The following KCNN1 variants were observed in gnomAD, a reference collection of about 807,000 sequenced individuals.
KCNN1 encodes the protein small conductance calcium-activated potassium channel protein 1.
In KCNN1, 20 loss-of-function variants were observed where a neutral mutation model predicts 44.7. The observed-to-expected ratio is 0.45, with a 90% CI of 0.32 to 0.65. KCNN1 has a LOEUF of 0.65. Among genes scored for constraint, KCNN1 ranks in the 30% least tolerant of loss-of-function variants. The pLI is 0.05. For missense variants in KCNN1, 632 were observed against 785.3 expected, an observed-to-expected ratio of 0.80 and a Z score of 2.33; for synonymous variants, 324 against 341.7, an observed-to-expected ratio of 0.95 and a Z score of 0.57.
chr19:17,989,607 G>C, intron 6 of KCNN1, 109 bp from the exon 7 acceptor site: 1 of 1,519,892 alleles, frequency 6.6e-7, no homozygotes, highest in Non-Finnish European at 9.1e-7. Context: ...CAGGGACCCT[G>C]AGAGGCATTT....
At position 17,998,128 on chromosome 19, in the gene KCNN1, C is replaced by T. The variant is rs375502052; in HGVS notation, c.1378-24C>T. The stretch of plus-strand genomic sequence containing the variant: ...CTCTCTCACTCAGCGGCGCCTCTCT[C>T]CTGCCCCTCTCTGTCTCCCGCAGAC... On this transcript the variant is annotated intron_variant, in intron 9 of 9. Transcript: ENST00000684775. The surrounding 1 kb of genome is among the most constrained non-coding windows in gnomAD (Gnocchi z 5.4). 11 of 1,562,498 alleles carry T rather than the reference C, an allele frequency of 7.0e-6. No individual in the cohort carries two copies. In the South Asian group the frequency reaches 8.3e-5, roughly 12 times the overall value.
chr19:17,993,597 G>GTGGGGCCCCGGAGCAGA lies in KCNN1; in HGVS notation c.1377+43_1377+59dup. The GTGGGGCCCCGGAGCAGA allele has an allele frequency of 6.3e-7, 1 of 1,588,084 alleles. No individual in the cohort carries two copies. Among genetic ancestry groups the GTGGGGCCCCGGAGCAGA allele is most frequent in the South Asian group, 1.1e-5 (1 of 90,296 alleles). On this transcript the variant is annotated intron_variant, in intron 9 of 9. Coordinates refer to ENST00000684775, the MANE Select transcript of KCNN1 (RefSeq NM_001386974.1). This position sits in a 1 kb window ranked among gnomAD's most constrained non-coding sequence, Gnocchi z 4.5. The stretch of plus-strand genomic sequence containing the variant: ...GGGCAGGGTGGGCCAGACAGGGCAG[G>GTGGGGCCCCGGAGCAGA]TGGGGCCCCGGAGCAGATGGGATGG...
Position 17,974,430 on chromosome 19 carries a change from C to A in KCNN1, c.402+140C>A. The A allele has an allele frequency of 1.1e-6, 1 of 896,944 alleles. No homozygotes were observed. The highest frequency in any genetic ancestry group is 1.6e-6 in the Non-Finnish European group (1 of 618,626). 55.6% of individuals were successfully genotyped at this position (896,944 alleles called of 1,614,324 possible). A position where few individuals can be genotyped will look rare whatever the true frequency, so the allele number is the denominator to read the frequency against. On this transcript the variant is annotated intron_variant, in intron 2 of 9. Transcript: ENST00000684775. The surrounding 1 kb of genome is among the most constrained non-coding windows in gnomAD (Gnocchi z 7.3). ...CTCCCGGAGGTGAGGGCTCCCTGGC[C>A]TTCTGCATACCCACCTCCAGGAAGG... is the stretch of plus-strand genomic sequence containing the variant.
intron 5 of KCNN1, among the ~76,000 whole-genome samples, chr19:17,987,718 G>C (rs1221005920): frequency 1.3e-5 from 2 of 151,608 alleles, no homozygotes; most frequent in Non-Finnish European, 2.9e-5. Context: ...CTGGGGCTGG[G>C]CATGGTAATG....
At chr19:17,959,768 A>G (rs2031635067) in intron 2 of KCNN1, among the ~76,000 whole-genome samples, 1 of 152,086 alleles carries the variant, frequency 6.6e-6, no homozygotes, top group Admixed American at 6.6e-5. Flanking sequence ...CCCGAGTGAA[A>G]GAGTTCAAGA....
In KCNN1 at chr19:17,973,039, A is replaced by G. The variant is rs539736146; in HGVS notation, c.-81-769A>G. Reference sequence around the variant, plus strand: ...ATTGGGAGACCATTGTGGCTGGAGGAATTGGGTCTGGGGAGAGTAAGAAGG... The same window carrying G: ...ATTGGGAGACCATTGTGGCTGGAGGGATTGGGTCTGGGGAGAGTAAGAAGG... On this transcript the variant is annotated intron_variant, in intron 1 of 9. Transcript: ENST00000684775. 1.1e-3 allele frequency among the ~76,000 whole-genome samples: 173 copies of G among 152,222 alleles called. 1 individual carries two copies. Among genetic ancestry groups the G allele is most frequent in the African/African-American group, 3.9e-3 (163 of 41,546 alleles).
rs1044943448 is a variant in KCNN1 at position 17,985,515 on chromosome 19, C to T, written c.1059+62C>T. ...TCCAGCCAGCTGCCCGCTCCACCAG[C>T]CCTTGCATACCCCTTGCTGACAGGG... On this transcript the variant is annotated intron_variant, in intron 5 of 9. Transcript: ENST00000684775. 4 of 1,434,976 alleles carry T rather than the reference C, an allele frequency of 2.8e-6. No individual in the cohort carries two copies. The African/African-American group carries it at 4.3e-5, about 15-fold the overall frequency. 88.9% of individuals were successfully genotyped at this position (1,434,976 alleles called of 1,614,324 possible).
rs1409028602 is a variant in KCNN1, at chr19:17,974,420, G to T, written c.402+130G>T. The T allele has an allele frequency of 2.9e-6, 3 of 1,050,256 alleles. No individual in the cohort carries two copies. The highest frequency in any genetic ancestry group is 3.3e-5 in the African/African-American group (2 of 61,270). The allele number at this position is 1,050,256 out of a possible 1,614,324, so 65.1% of individuals were successfully genotyped here. ...TGTTAGGGGGCTCCCGGAGGTGAGGGCTCCCTGGCCTTCTGCATACCCACC... is the reference window on the plus strand; with the variant it reads ...TGTTAGGGGGCTCCCGGAGGTGAGGTCTCCCTGGCCTTCTGCATACCCACC... On this transcript the variant is annotated intron_variant, in intron 2 of 9. Transcript: ENST00000684775. This position sits in a 1 kb window ranked among gnomAD's most constrained non-coding sequence, Gnocchi z 7.3.
intron 1 of KCNN1, among the ~76,000 whole-genome samples, chr19:17,973,233 GC>G (rs2032084289): frequency 6.6e-6 from 1 of 152,120 alleles, no homozygotes; most frequent in Non-Finnish European, 1.5e-5. Flanking sequence ...CCTCTGAGTA[GC>G]TGTGATTACA....
intron 2 of KCNN1, among the ~76,000 whole-genome samples, chr19:17,957,346 AAAAG>A (rs1475127208): frequency 3.3e-5 from 5 of 151,512 alleles, no homozygotes; most frequent in East Asian, 3.9e-4. Context: ...AGGAAGGAAG[AAAAG>A]AAAGAAGAAA....
chr19:17,969,451 T>C (rs549799477), intron 1 of KCNN1, among the ~76,000 whole-genome samples: 1 of 152,210 alleles, frequency 6.6e-6, no homozygotes, highest in Non-Finnish European at 1.5e-5. Context: ...CAAAGCATAG[T>C]AAGAGCCCGG....
In KCNN1 at chr19:17,988,526, G is replaced by T; in HGVS notation, c.1170+1G>T. The T allele has an allele frequency of 6.2e-7, 1 of 1,611,696 alleles. No individual in the cohort carries two copies. The highest frequency in any genetic ancestry group is 8.5e-7 in the Non-Finnish European group (1 of 1,178,336). On this transcript the variant is annotated splice_donor_variant, in intron 6 of 9. Transcript: ENST00000684775. LOFTEE classifies it high-confidence loss of function. ...GATGGACACTCAGCTCACCAAGCGG[G>T]TGAGGACCGCGGTTCCCATGGAGGC...
At chr19:17,991,194 G>A (rs2032783246) in intron 7 of KCNN1, among the ~76,000 whole-genome samples, 1 of 151,958 alleles carries the variant, frequency 6.6e-6, no homozygotes, top group Admixed American at 6.6e-5. Flanking sequence ...CTCACACCTC[G>A]TAATCCCAGC....
chr19:17,989,276 G>A (rs2032707406), intron 6 of KCNN1, among the ~76,000 whole-genome samples: 1 of 152,128 alleles, frequency 6.6e-6, no homozygotes, highest in Non-Finnish European at 1.5e-5. Flanking sequence ...TGGCCAACGT[G>A]ATGAAACCCC....
At chr19:17,953,425 C>T (rs1264233645) in intron 1 of KCNN1, among the ~76,000 whole-genome samples, 3 of 152,190 alleles carry the variant, frequency 2.0e-5, no homozygotes, top group Non-Finnish European at 4.4e-5. Context: ...ATCCCAGGTC[C>T]TGGTGAGAGA....
rs1472896521 is a variant in KCNN1 at position 17,969,765 on chromosome 19, C to T, written c.-82+2448C>T. Among the ~76,000 whole-genome samples, 3 of 152,344 alleles carry T rather than the reference C, an allele frequency of 2.0e-5. No homozygotes were observed. In the East Asian group the frequency reaches 5.8e-4, roughly 29 times the overall value. ...TCTGCCAGGCCACCCGCTTCTCATCCCTGTGCCCCCCATCCCCAGCTGGGG... is the reference window on the plus strand; with the variant it reads ...TCTGCCAGGCCACCCGCTTCTCATCTCTGTGCCCCCCATCCCCAGCTGGGG... On this transcript the variant is annotated intron_variant, in intron 1 of 9. Transcript: ENST00000684775.
intron 3 of KCNN1, 98 bp from the exon 4 acceptor site, chr19:17,981,611 G>A: frequency 9.6e-7 from 1 of 1,042,916 alleles, no homozygotes; most frequent in African/African-American, 1.6e-5. Flanking sequence ...TGGGGTTTCA[G>A]GCCAGGCTGA....
intron 2 of KCNN1, among the ~76,000 whole-genome samples, chr19:17,959,823 G>A (rs1232066874): frequency 6.6e-6 from 1 of 152,054 alleles, no homozygotes; most frequent in African/African-American, 2.4e-5. Flanking sequence ...GGTGGCTCAG[G>A]CCTATAATCC....
chr19:17,971,656 G>C (rs1000894818), intron 1 of KCNN1, among the ~76,000 whole-genome samples: 10 of 151,122 alleles, frequency 6.6e-5, no homozygotes, highest in Non-Finnish European at 1.0e-4. Flanking sequence ...TAGAGACGGG[G>C]TTTCACCATG....
Sources: allele counts gnomAD v4.1 joint callset (sites outside exome capture counted in the v4.1 genomes callset), GRCh38; gene constraint gnomAD v4.1.1; non-coding constraint Gnocchi (gnomAD v3.1); transcripts MANE v1.5; gene names NCBI Gene and HGNC (gene_info 2026-07-23, HGNC 2026-07-21).